Variants in TP53TG5 observed in about 807,000 individuals in gnomAD.
TP53TG5 encodes TP53-target gene 5 protein.
A neutral mutation model predicts 30.0 loss-of-function variants in TP53TG5; 17 were observed. That is an observed-to-expected ratio of 0.57 (90% CI 0.39 to 0.85). TP53TG5 has a LOEUF of 0.85. Ranked by LOEUF, TP53TG5 falls within the 40% of genes least tolerant of loss-of-function variation. The probability of loss-of-function intolerance (pLI) is 0.00; values close to 1 mark genes in which losing one functional copy is unlikely to be tolerated. For missense variants in TP53TG5, 338 were observed against 367.9 expected (o/e 0.92, Z 0.67); for synonymous variants, 137 against 139.2 (o/e 0.98, Z 0.11).
rs777738513 is a variant in TP53TG5, at chr20:45,377,225, G to A, written c.241C>T (p.Arg81Cys). 32 of 1,613,718 alleles carry A rather than the reference G, an allele frequency of 2.0e-5. No individual in the cohort carries two copies. In the South Asian group the frequency reaches 2.6e-4, roughly 13 times the overall value. Residue 81 changes from arginine to cysteine, a missense_variant, in exon 3 of 5, where the codon CGC (arginine) becomes TGC (cysteine). By Grantham distance (180) the Arg-to-Cys change is radical. Coordinates refer to ENST00000372726, the MANE Select transcript of TP53TG5 (RefSeq NM_014477.3). ...GCCCCAGCTTACCCAGAGGAGATGC[G>A]GAGAATCTTTGGAACACTGAGCAGT... The part of the protein sequence containing the change: ...HSLLSVPKIL[R>C]ISSGENSACN...
Position 45,373,261 on chromosome 20 carries a change from C to A in TP53TG5, c.*646G>T. On this transcript the variant is annotated 3_prime_UTR_variant, in exon 5 of 5. Coordinates refer to ENST00000372726, the MANE Select transcript of TP53TG5 (RefSeq NM_014477.3). ...TTGAGGGTGGACCTGCCATGTCACC[C>A]TGGAGCAGTAGAGATGCAGTACCAG... 1 of 154,458 alleles carries A rather than the reference C, an allele frequency of 6.5e-6. No individual in the cohort carries two copies. Among genetic ancestry groups the A allele is most frequent in the Non-Finnish European group, 1.4e-5 (1 of 69,238 alleles). 9.6% of individuals were successfully genotyped at this position (154,458 alleles called of 1,614,324 possible). A position where few individuals can be genotyped will look rare whatever the true frequency, so the allele number is the denominator to read the frequency against.
chr20:45,377,751 C>G, intron 1 of TP53TG5, 138 bp from the exon 2 acceptor site: 1 of 737,538 alleles, frequency 1.4e-6, no homozygotes, highest in South Asian at 1.6e-5. Context: ...GCCTGGCCAA[C>G]ATGGTGAAAC....
chr20:45,375,654 A>G, intron 3 of TP53TG5, 102 bp from the exon 4 acceptor site: 9 of 1,434,614 alleles, frequency 6.3e-6, no homozygotes, highest in Non-Finnish European at 8.4e-6. Flanking sequence ...AAGAAAGGCT[A>G]GAGGGGCCTG....
At position 45,375,321 on chromosome 20, in the gene TP53TG5, T is replaced by G; in HGVS notation, c.486A>C (p.Thr162=). The part of the protein sequence containing the change: ...EKHIEPEVPR[T]SRDDSLNPGV... ...CAGGGTTCAAGCTATCATCCCTCGA[T>G]GTCCTTGGAACCTCAGGCTCTATAT... The change falls in exon 4 of 5, where the codon ACA becomes ACC. Residue 162 remains threonine, a synonymous_variant. Coordinates refer to ENST00000372726, the MANE Select transcript of TP53TG5 (RefSeq NM_014477.3). 1.2e-6 allele frequency: 2 copies of G among 1,614,206 alleles called. No individual in the cohort carries two copies. The highest frequency in any genetic ancestry group is 1.7e-6 in the Non-Finnish European group (2 of 1,180,034).
At chr20:45,374,727 CTG>C (rs1267515174) in intron 4 of TP53TG5, 12 of 455,816 alleles carry the variant, frequency 2.6e-5, no homozygotes, top group Middle Eastern at 5.7e-4. Context: ...AGGCCTCTGA[CTG>C]TGAGATTCAG....
At chr20:45,375,676 C>T in intron 3 of TP53TG5, 124 bp from the exon 4 acceptor site, 2 of 1,212,546 alleles carry the variant, frequency 1.6e-6, no homozygotes, top group Non-Finnish European at 2.3e-6. Context: ...AAAGAAACTT[C>T]TCTACTGCCC....
chr20:45,377,925 G>T lies in TP53TG5; in HGVS notation c.48+264C>A, dbSNP rs530318552. On this transcript the variant is annotated intron_variant, in intron 1 of 4. Transcript: ENST00000372726. The stretch of plus-strand genomic sequence containing the variant: ...CCACTGCACTCCAGCCTGGGCGACA[G>T]AGTGAGGCACTGGAGGAATCCTCCT... 2.8e-4 allele frequency among the ~76,000 whole-genome samples: 43 copies of T among 152,214 alleles called. 1 individual carries two copies. Among genetic ancestry groups the T allele is most frequent in the Non-Finnish European group, 5.3e-4 (36 of 68,044 alleles).
chr20:45,377,696 G>T, intron 1 of TP53TG5, 83 bp from the exon 2 acceptor site: 1 of 1,368,354 alleles, frequency 7.3e-7, no homozygotes, highest in Non-Finnish European at 1.0e-6. Flanking sequence ...CCAGCACTTT[G>T]GGAGGCCGAG....
Position 45,373,902 on chromosome 20 carries a change from A to G in TP53TG5, c.*5T>C. 2 of 1,612,054 alleles carry G rather than the reference A, an allele frequency of 1.2e-6. No homozygotes were observed. The highest frequency in any genetic ancestry group is 1.7e-6 in the Non-Finnish European group (2 of 1,178,174). ...GTATTCGTCTTAGGTGCCATATGGA[A>G]GATCTTATTTGTAGACTCGTGAATT... On this transcript the variant is annotated 3_prime_UTR_variant, in exon 5 of 5. Transcript: ENST00000372726.
chr20:45,375,173 C>G lies in TP53TG5; in HGVS notation c.634G>C (p.Glu212Gln), dbSNP rs774619419. The stretch of plus-strand genomic sequence containing the variant: ...AGGTGGATTCGTGTGGGCAGCCCCT[C>G]AAACCAGATCCACTGGTCGGCTACA... ...LDVADQWIWF[E>Q]GLPTRIHLPA... Residue 212 changes from glutamate (E) to glutamine (Q), a missense_variant, in exon 4 of 5, where the codon GAG (glutamate) becomes CAG (glutamine). Coordinates refer to ENST00000372726, the MANE Select transcript of TP53TG5 (RefSeq NM_014477.3). 1 of 1,614,112 alleles carries G rather than the reference C, an allele frequency of 6.2e-7. No homozygotes were observed. The highest frequency in any genetic ancestry group is 1.1e-5 in the South Asian group (1 of 91,094).
At chr20:45,377,712 T>C in intron 1 of TP53TG5, 99 bp from the exon 2 acceptor site, 2 of 1,161,456 alleles carry the variant, frequency 1.7e-6, no homozygotes, top group Non-Finnish European at 2.5e-6. Context: ...CCGAGGTGGG[T>C]GGCTCATTTG....
chr20:45,376,666 A>C (rs1245603956), intron 3 of TP53TG5: 1 of 152,296 alleles, frequency 6.6e-6, no homozygotes, highest in Non-Finnish European at 1.5e-5. Context: ...TTAACACTGT[A>C]GGATGGTACT....
chr20:45,373,865 G>A lies in TP53TG5; in HGVS notation c.*42C>T. On this transcript the variant is annotated 3_prime_UTR_variant, in exon 5 of 5. Coordinates refer to ENST00000372726, the MANE Select transcript of TP53TG5 (RefSeq NM_014477.3). Reference sequence around the variant, plus strand: ...ATCCTTCCCAGCCCCAGACAAACAGGCAGAGTAAGCAGTATTCGTCTTAGG... The same window carrying A: ...ATCCTTCCCAGCCCCAGACAAACAGACAGAGTAAGCAGTATTCGTCTTAGG... 1 of 1,565,330 alleles carries A rather than the reference G, an allele frequency of 6.4e-7. No individual in the cohort carries two copies. The highest frequency in any genetic ancestry group is 8.8e-7 in the Non-Finnish European group (1 of 1,135,904).
intron 4 of TP53TG5, 46 bp downstream of exon 4, chr20:45,374,993 G>A (rs773988455): frequency 6.3e-7 from 1 of 1,578,806 alleles, no homozygotes; most frequent in Admixed American, 1.7e-5. Context: ...GGCCTGGCTT[G>A]GGGCTTGCAT....
chr20:45,377,703 C>A, intron 1 of TP53TG5, 90 bp from the exon 2 acceptor site: 1 of 1,293,080 alleles, frequency 7.7e-7, no homozygotes, highest in Non-Finnish European at 1.1e-6. Context: ...TTTGGGAGGC[C>A]GAGGTGGGTG....
At chr20:45,376,425 T>A (rs998212763) in intron 3 of TP53TG5, 1 of 152,234 alleles carries the variant, frequency 6.6e-6, no homozygotes, top group Non-Finnish European at 1.5e-5. Flanking sequence ...TTGGGATCCT[T>A]ACTATTTCTG....
In TP53TG5 at chr20:45,375,369, C is replaced by T. The variant is rs757231275; in HGVS notation, c.438G>A (p.Ala146=). ...GMRNKEKTSL[A]AMPRKEKHIE... is the part of the protein sequence containing the mutation. ...TATGCTTTTCTTTCCGTGGCATTGC[C>T]GCCAATGACGTTTTCTCCTTGTTCC... is the stretch of plus-strand genomic sequence containing the variant. The change falls in exon 4 of 5, where the codon GCG becomes GCA. Residue 146 remains alanine, a synonymous_variant. Transcript: ENST00000372726. 34 of 1,614,006 alleles carry T rather than the reference C, an allele frequency of 2.1e-5. No individual in the cohort carries two copies. Among genetic ancestry groups the T allele is most frequent in the South Asian group, 3.3e-5 (3 of 91,080 alleles).
chr20:45,375,065 C>A lies in TP53TG5; in HGVS notation c.742G>T (p.Glu248Ter). 1.9e-6 allele frequency: 3 copies of A among 1,614,018 alleles called. No homozygotes were observed. Among genetic ancestry groups the A allele is most frequent in the Non-Finnish European group, 2.5e-6 (3 of 1,179,918 alleles). The stretch of plus-strand genomic sequence containing the variant: ...TTGTATGGATGCCACATAGGCATTT[C>A]AAGTGATGCGGAGCAGAAGCGGGTG... ...RCTRFCSASL[E>*]MPMWHPYKVD... Residue 248 changes from glutamate (E) to a stop codon, truncating the protein, a stop_gained, in exon 4 of 5, where the codon GAA becomes TAA. Transcript: ENST00000372726. LOFTEE classifies it low-confidence loss of function (END_TRUNC).
In TP53TG5 at chr20:45,373,929, C is replaced by T; in HGVS notation, c.851G>A (p.Arg284Gln). 1 of 1,614,046 alleles carries T rather than the reference C, an allele frequency of 6.2e-7. No individual in the cohort carries two copies. Among genetic ancestry groups the T allele is most frequent in the Middle Eastern group, 1.6e-4 (1 of 6,062 alleles). The change falls in exon 5 of 5, where the codon CGA becomes CAA. Residue 284 changes from arginine to glutamine, a missense_variant. By Grantham distance (43) the Arg-to-Gln change is conservative. Transcript: ENST00000372726. Reference sequence around the variant, plus strand: ...ATCTTATTTGTAGACTCGTGAATTTCGCCACCCATTCCTCCCCTTCAGCTG... The same window carrying T: ...ATCTTATTTGTAGACTCGTGAATTTTGCCACCCATTCCTCCCCTTCAGCTG... ...RHQLKGRNGW[R>Q]NSRVYK
Sources: gnomAD v4.1 joint callset for allele counts (sites outside exome capture counted in the v4.1 genomes callset) on GRCh38, gnomAD v4.1.1 for gene constraint, MANE v1.5 for transcripts, NCBI Gene and HGNC (gene_info 2026-07-23, HGNC 2026-07-21) for gene names.